Variants in XPR1 observed in about 807,000 individuals in gnomAD.
XPR1 encodes the protein solute carrier family 53 member 1.
A neutral mutation model predicts 87.5 loss-of-function variants in XPR1; 28 were observed. The observed-to-expected ratio is 0.32, with a 90% confidence interval of 0.24 to 0.44. XPR1 has a LOEUF of 0.44. Ranked by LOEUF, XPR1 falls within the 20% of genes least tolerant of loss-of-function variation. The pLI is 1.00. For synonymous variants in XPR1, 300 were observed against 306.1 expected (o/e 0.98, Z 0.21); for missense variants, 559 against 862.3 (o/e 0.65, Z 4.41).
chr1:180,834,669 T>C (rs963168359), intron 9 of XPR1, among the ~76,000 whole-genome samples: 2 of 152,204 alleles, frequency 1.3e-5, no homozygotes, highest in Non-Finnish European at 2.9e-5. Flanking sequence ...CTCCTTTACT[T>C]CCTTTCTTAG....
At chr1:180,825,500 A>C (rs1233654500) in intron 9 of XPR1, among the ~76,000 whole-genome samples, 156 bp downstream of exon 9, 1 of 152,232 alleles carries the variant, frequency 6.6e-6, no homozygotes, top group South Asian at 2.1e-4. Flanking sequence ...GTACTCACGT[A>C]TATTTTCCTC....
At chr1:180,757,129 C>CT (rs1243885507) in intron 2 of XPR1, among the ~76,000 whole-genome samples, 2 of 152,220 alleles carry the variant, frequency 1.3e-5, no homozygotes, top group East Asian at 3.9e-4. Flanking sequence ...TATTTTGGCT[C>CT]TTTTGGGTTC....
chr1:180,810,319 A>G (rs1650163134), intron 6 of XPR1, among the ~76,000 whole-genome samples: 1 of 152,146 alleles, frequency 6.6e-6, no homozygotes. Flanking sequence ...TGTGGCTTAC[A>G]CCTGTAATCC....
intron 2 of XPR1, among the ~76,000 whole-genome samples, chr1:180,758,385 A>G (rs542615660): frequency 1.2e-4 from 19 of 152,264 alleles, no homozygotes; most frequent in African/African-American, 3.8e-4. Flanking sequence ...ATATAAAAGT[A>G]TTTATTACCA....
chr1:180,790,163 A>G (rs1055809030), intron 3 of XPR1, among the ~76,000 whole-genome samples: 12 of 152,066 alleles, frequency 7.9e-5, no homozygotes, highest in African/African-American at 2.9e-4. Context: ...AGACATTCTC[A>G]TCCTTATTTA....
At chr1:180,719,900 A>G (rs1325067851) in intron 2 of XPR1, among the ~76,000 whole-genome samples, 1 of 152,222 alleles carries the variant, frequency 6.6e-6, no homozygotes, top group Non-Finnish European at 1.5e-5. Context: ...TGGACTTATA[A>G]CAGGATCTGA....
chr1:180,693,305 C>T (rs1332623740), intron 2 of XPR1, among the ~76,000 whole-genome samples: 5 of 152,030 alleles, frequency 3.3e-5, no homozygotes, highest in East Asian at 1.9e-4. Flanking sequence ...AAAGAAACAA[C>T]GAGAAAGCTA....
At chr1:180,707,989 T>G (rs1041068151) in intron 2 of XPR1, among the ~76,000 whole-genome samples, 9 of 152,198 alleles carry the variant, frequency 5.9e-5, no homozygotes, top group Non-Finnish European at 1.0e-4. Flanking sequence ...GAACGCCTAG[T>G]TGGAAATTTA....
chr1:180,698,753 C>T (rs148880390), intron 2 of XPR1, among the ~76,000 whole-genome samples: 150 of 152,220 alleles, frequency 9.9e-4, no homozygotes, highest in African/African-American at 3.3e-3. Context: ...ATTTCTCCTT[C>T]ATTTTTTAGG....
At chr1:180,697,333 T>C (rs537607681) in intron 2 of XPR1, among the ~76,000 whole-genome samples, 103 of 152,170 alleles carry the variant, frequency 6.8e-4, no homozygotes, top group Non-Finnish European at 1.3e-3. Flanking sequence ...TTTTTCTTTC[T>C]AATTTTATAT....
At chr1:180,704,245 G>GATATATATATGTATATATAT (rs1553238718) in intron 2 of XPR1, among the ~76,000 whole-genome samples, 1 of 66,028 alleles carries the variant, frequency 1.5e-5, no homozygotes, top group East Asian at 3.6e-4. Context: ...ATAGGTGCTG[G>GATATATATATGTATATATAT]ATATATATAT....
intron 2 of XPR1, among the ~76,000 whole-genome samples, chr1:180,764,331 A>ATT (rs1318474236): frequency 6.6e-6 from 1 of 152,214 alleles, no homozygotes; most frequent in Non-Finnish European, 1.5e-5. Flanking sequence ...AAGATACCTC[A>ATT]TTATATATAT....
intron 1 of XPR1, among the ~76,000 whole-genome samples, chr1:180,675,739 T>G (rs998375459): frequency 5.9e-5 from 9 of 152,302 alleles, no homozygotes; most frequent in African/African-American, 2.2e-4. Context: ...ATTTGTTGTT[T>G]TGTGACTTGG....
intron 1 of XPR1, among the ~76,000 whole-genome samples, chr1:180,656,853 C>A (rs925109673): frequency 4.0e-5 from 6 of 150,836 alleles, no homozygotes; most frequent in African/African-American, 9.8e-5. Context: ...CAGGTATATA[C>A]CTAGCAGTGG....
At chr1:180,804,042 A>G (rs1390791925) in intron 4 of XPR1, among the ~76,000 whole-genome samples, 1 of 151,664 alleles carries the variant, frequency 6.6e-6, no homozygotes, top group East Asian at 1.9e-4. Context: ...CTGGAGTAAA[A>G]TGACACGATC....
At chr1:180,670,166 G>C (rs573428545) in intron 1 of XPR1, among the ~76,000 whole-genome samples, 1 of 152,194 alleles carries the variant, frequency 6.6e-6, no homozygotes, top group African/African-American at 2.4e-5. Context: ...GTTGAATCAT[G>C]TATTTTTTAT....
At chr1:180,807,085 AT>A (rs1472800363) in intron 6 of XPR1, among the ~76,000 whole-genome samples, 8 of 152,150 alleles carry the variant, frequency 5.3e-5, no homozygotes, top group African/African-American at 1.7e-4. Context: ...TAAAAAAAAA[AT>A]AAAACCTCTA....
chr1:180,722,337 A>G (rs936423770), intron 2 of XPR1, among the ~76,000 whole-genome samples: 4 of 151,862 alleles, frequency 2.6e-5, no homozygotes, highest in Non-Finnish European at 4.4e-5. Context: ...CTCGTGATCT[A>G]CCCGCCTTGG....
At chr1:180,782,112 A>G (rs1343570041) in intron 2 of XPR1, among the ~76,000 whole-genome samples, 1 of 151,980 alleles carries the variant, frequency 6.6e-6, no homozygotes, top group Non-Finnish European at 1.5e-5. Flanking sequence ...TCTCTAAGAC[A>G]GTGTTCTCAA....
Sources: allele counts gnomAD v4.1 joint callset (sites outside exome capture counted in the v4.1 genomes callset), GRCh38; gene constraint gnomAD v4.1.1; transcripts MANE v1.5; gene names NCBI Gene and HGNC (gene_info 2026-07-23, HGNC 2026-07-21).